Variants in CBLB observed in about 807,000 individuals in gnomAD.
CBLB encodes Cbl proto-oncogene B, also known as E3 ubiquitin-protein ligase CBL-B.
A neutral mutation model predicts 104.9 loss-of-function variants in CBLB; 31 were observed. That is an observed-to-expected ratio of 0.30 (90% CI 0.22 to 0.40). The LOEUF (loss-of-function observed/expected upper bound fraction) is 0.40. Among genes scored for constraint, CBLB ranks in the 10% least tolerant of loss-of-function variants. The pLI is 1.00. For synonymous variants in CBLB, 440 were observed against 422.6 expected (o/e 1.04, Z -0.51); for missense variants, 1,062 against 1,214.6 (o/e 0.87, Z 1.87).
At chr3:105,849,821 TA>T (rs1371298991) in intron 3 of CBLB, among the ~76,000 whole-genome samples, 4 of 152,154 alleles carry the variant, frequency 2.6e-5, no homozygotes, top group Admixed American at 2.0e-4. Flanking sequence ...TCAAAACTAC[TA>T]AATTTGAAAA....
chr3:105,665,138 C>G (rs1026080691), intron 18 of CBLB, among the ~76,000 whole-genome samples: 4 of 152,012 alleles, frequency 2.6e-5, no homozygotes, highest in Non-Finnish European at 4.4e-5. Flanking sequence ...CGCAGTGGCT[C>G]ACGCCTATAA....
At chr3:105,691,899 C>G (rs1301430830) in intron 13 of CBLB, among the ~76,000 whole-genome samples, 1 of 152,148 alleles carries the variant, frequency 6.6e-6, no homozygotes, top group Admixed American at 6.5e-5. Context: ...ATGAAATGCC[C>G]ATCCCTCCAT....
intron 18 of CBLB, among the ~76,000 whole-genome samples, chr3:105,668,910 T>C (rs1229651968): frequency 6.6e-6 from 1 of 152,226 alleles, no homozygotes; most frequent in East Asian, 1.9e-4. Context: ...ACTGAGGTTT[T>C]AGCTTAAAAA....
At chr3:105,830,020 C>T (rs2087237329) in intron 3 of CBLB, among the ~76,000 whole-genome samples, 1 of 152,194 alleles carries the variant, frequency 6.6e-6, no homozygotes. Flanking sequence ...CACTAGAATT[C>T]TTACTCTGGG....
intron 9 of CBLB, among the ~76,000 whole-genome samples, chr3:105,730,608 T>C (rs1176657522): frequency 6.6e-6 from 1 of 152,042 alleles, no homozygotes; most frequent in East Asian, 1.9e-4. Context: ...ATTTACAATA[T>C]GAACATAATG....
chr3:105,684,549 C>T (rs2066758927), intron 14 of CBLB, among the ~76,000 whole-genome samples: 1 of 117,966 alleles, frequency 8.5e-6, no homozygotes, highest in Admixed American at 9.5e-5. Context: ...CCCATTATTC[C>T]ACACATTCTT....
chr3:105,665,646 C>G (rs183065542), intron 18 of CBLB, among the ~76,000 whole-genome samples: 1 of 146,272 alleles, frequency 6.8e-6, no homozygotes, highest in Non-Finnish European at 1.5e-5. Context: ...ATAAAATATA[C>G]ATTATTAAAT....
At chr3:105,796,383 G>T (rs2082258427) in intron 3 of CBLB, among the ~76,000 whole-genome samples, 1 of 152,084 alleles carries the variant, frequency 6.6e-6, no homozygotes, top group Non-Finnish European at 1.5e-5. Flanking sequence ...AGGCAAACTG[G>T]CTAGCATGCA....
chr3:105,690,390 T>C (rs1455172357), intron 13 of CBLB, among the ~76,000 whole-genome samples: 1 of 152,174 alleles, frequency 6.6e-6, no homozygotes, highest in African/African-American at 2.4e-5. Flanking sequence ...ATTGTCAGGT[T>C]TGCCATCAGT....
rs368432026 is a variant in CBLB, at chr3:105,661,553, T to C, written c.2690-2324A>G. On this transcript the variant is annotated intron_variant, in intron 18 of 18. Coordinates refer to ENST00000394030, the MANE Select transcript of CBLB (RefSeq NM_170662.5). ...CTTAGAAAACAATTAACTTGTTTTCTACGGGTAATTTTCTAAGAGATTTTT... is the reference window on the plus strand; with the variant it reads ...CTTAGAAAACAATTAACTTGTTTTCCACGGGTAATTTTCTAAGAGATTTTT... 5.9e-5 allele frequency among the ~76,000 whole-genome samples: 9 copies of C among 152,348 alleles called. No homozygotes were observed. The East Asian group carries it at 1.7e-3, about 29-fold the overall frequency.
At chr3:105,817,451 A>C (rs544897303) in intron 3 of CBLB, among the ~76,000 whole-genome samples, 17 of 152,296 alleles carry the variant, frequency 1.1e-4, no homozygotes, top group South Asian at 1.0e-3. Context: ...ACACTAAAAG[A>C]AGCAGCCTTG....
At chr3:105,771,054 C>T (rs2078821545) in intron 4 of CBLB, among the ~76,000 whole-genome samples, 1 of 152,102 alleles carries the variant, frequency 6.6e-6, no homozygotes, top group Non-Finnish European at 1.5e-5. Flanking sequence ...TCTATGAAGC[C>T]ACTACCATGC....
At chr3:105,673,431 T>G (rs1482862785) in intron 17 of CBLB, 2 of 152,114 alleles carry the variant, frequency 1.3e-5, no homozygotes, top group Non-Finnish European at 2.9e-5. Flanking sequence ...TTTTACCAAG[T>G]GTAAAAACAG....
At chr3:105,763,731 A>C (rs1367505667) in intron 4 of CBLB, among the ~76,000 whole-genome samples, 1 of 152,252 alleles carries the variant, frequency 6.6e-6, no homozygotes, top group South Asian at 2.1e-4. Flanking sequence ...CCAGCAGAAC[A>C]TGATCCTAAA....
intron 18 of CBLB, among the ~76,000 whole-genome samples, chr3:105,665,132 G>A (rs56118024): frequency 0.16 from 24,531 of 151,976 alleles, 2,213 homozygotes; most frequent in Middle Eastern, 0.31. Flanking sequence ...GCCAGGCGCA[G>A]TGGCTCACGC....
At chr3:105,848,051 G>T (rs2090501517) in intron 3 of CBLB, among the ~76,000 whole-genome samples, 4 of 151,860 alleles carry the variant, frequency 2.6e-5, no homozygotes, top group Non-Finnish European at 2.9e-5. Flanking sequence ...CTTTATGCTT[G>T]TCAGAAATCA....
At chr3:105,763,015 G>A (rs962725934) in intron 4 of CBLB, among the ~76,000 whole-genome samples, 12 of 152,304 alleles carry the variant, frequency 7.9e-5, no homozygotes, top group East Asian at 7.7e-4. Context: ...CGTGAGACAC[G>A]GAGTCAAAGG....
At chr3:105,682,665 C>G (rs1246673219) in intron 14 of CBLB, among the ~76,000 whole-genome samples, 2 of 152,086 alleles carry the variant, frequency 1.3e-5, no homozygotes, top group Non-Finnish European at 2.9e-5. Context: ...CACCACCACG[C>G]CCAGCCAATT....
intron 13 of CBLB, among the ~76,000 whole-genome samples, chr3:105,688,950 T>A (rs2067340773): frequency 6.6e-6 from 1 of 152,100 alleles, no homozygotes; most frequent in Non-Finnish European, 1.5e-5. Flanking sequence ...CCAGCCTCTG[T>A]GCTCTTCACA....
Sources: gnomAD v4.1 joint callset for allele counts (sites outside exome capture counted in the v4.1 genomes callset) on GRCh38, gnomAD v4.1.1 for gene constraint, MANE v1.5 for transcripts, NCBI Gene and HGNC (gene_info 2026-07-23, HGNC 2026-07-21) for gene names.